Variants in NRXN1 observed in about 807,000 individuals in gnomAD.
NRXN1 encodes neurexin-1.
NRXN1 carries 39 observed loss-of-function variants against 150.9 expected under a neutral mutation model. The ratio of observed to expected loss-of-function variants is 0.26; its 90% CI spans 0.20 to 0.34. The LOEUF (loss-of-function observed/expected upper bound fraction) is 0.34. Ranked by LOEUF, NRXN1 falls within the 10% of genes least tolerant of loss-of-function variation. NRXN1 has a pLI of 1.00. For missense variants in NRXN1, 1,815 were observed against 1,949.9 expected, an observed-to-expected ratio of 0.93 and a Z score of 1.30; for synonymous variants, 924 against 757.0, an observed-to-expected ratio of 1.22 and a Z score of -3.62.
At chr2:50,318,396 T>A (rs994785348) in intron 17 of NRXN1, among the ~76,000 whole-genome samples, 4 of 152,102 alleles carry the variant, frequency 2.6e-5, no homozygotes, top group African/African-American at 9.7e-5. Context: ...TACATGTGCA[T>A]CCTGTATGCA....
At chr2:51,007,118 C>T (rs1667134287) in intron 2 of NRXN1, among the ~76,000 whole-genome samples, 2 of 151,898 alleles carry the variant, frequency 1.3e-5, no homozygotes, top group African/African-American at 4.8e-5. Flanking sequence ...ACATTAGATA[C>T]TATAATGAGC....
At chr2:50,594,601 C>T (rs964500663) in intron 8 of NRXN1, among the ~76,000 whole-genome samples, 3 of 152,092 alleles carry the variant, frequency 2.0e-5, no homozygotes, top group African/African-American at 7.2e-5. Context: ...AGAGCTGAAG[C>T]TGAAGGGAAG....
chr2:50,431,452 G>T (rs1007261398), intron 17 of NRXN1, among the ~76,000 whole-genome samples: 1 of 152,176 alleles, frequency 6.6e-6, no homozygotes, highest in African/African-American at 2.4e-5. Flanking sequence ...CATTTTTCAA[G>T]ATAAGAGAAA....
At chr2:50,974,308 T>A (rs939312152) in intron 2 of NRXN1, among the ~76,000 whole-genome samples, 2 of 152,082 alleles carry the variant, frequency 1.3e-5, no homozygotes, top group African/African-American at 4.8e-5. Flanking sequence ...TTAACTTACA[T>A]CTATAGGACA....
intron 18 of NRXN1, among the ~76,000 whole-genome samples, chr2:50,108,482 T>C (rs570080772): frequency 8.5e-5 from 13 of 152,166 alleles, no homozygotes; most frequent in African/African-American, 3.1e-4. Context: ...CTTGGTCCTT[T>C]TTTACTTCAA....
chr2:50,622,961 G>A (rs918314133), intron 6 of NRXN1, among the ~76,000 whole-genome samples: 2 of 152,050 alleles, frequency 1.3e-5, no homozygotes, highest in Admixed American at 6.6e-5. Flanking sequence ...ACCCCAATGT[G>A]CATGCTTCCA....
chr2:50,879,773 T>C (rs993646425), intron 5 of NRXN1, among the ~76,000 whole-genome samples: 14 of 151,962 alleles, frequency 9.2e-5, no homozygotes, highest in Admixed American at 5.9e-4. Flanking sequence ...AATATGCCTA[T>C]AGGTAACTGT....
chr2:50,024,906 G>A (rs1688063424), intron 21 of NRXN1, among the ~76,000 whole-genome samples: 1 of 152,094 alleles, frequency 6.6e-6, no homozygotes, highest in Non-Finnish European at 1.5e-5. Flanking sequence ...GTGAGCTACT[G>A]TGCCCAGACA....
At chr2:49,976,170 G>A (rs1678949921) in intron 21 of NRXN1, among the ~76,000 whole-genome samples, 2 of 150,142 alleles carry the variant, frequency 1.3e-5, no homozygotes, top group South Asian at 2.1e-4. Context: ...TTACAGGAGA[G>A]TGCCACCACG....
intron 19 of NRXN1, among the ~76,000 whole-genome samples, chr2:50,059,698 A>G (rs1694202920): frequency 6.6e-6 from 1 of 152,178 alleles, no homozygotes; most frequent in Non-Finnish European, 1.5e-5. Context: ...CTGTTTGTGC[A>G]GTCTCAGGAC....
At chr2:50,101,575 G>A (rs1043905841) in intron 18 of NRXN1, among the ~76,000 whole-genome samples, 5 of 151,856 alleles carry the variant, frequency 3.3e-5, no homozygotes, top group Admixed American at 3.3e-4. Flanking sequence ...TCCTCTGCAT[G>A]GCAAATGTAA....
chr2:50,158,929 C>A (rs141928597), intron 18 of NRXN1, among the ~76,000 whole-genome samples: 12 of 151,936 alleles, frequency 7.9e-5, no homozygotes, highest in African/African-American at 2.7e-4. Context: ...ACAAAAAACG[C>A]GTAAGATAGG....
chr2:50,771,267 C>G (rs893087810), intron 5 of NRXN1, among the ~76,000 whole-genome samples: 2 of 152,008 alleles, frequency 1.3e-5, no homozygotes, highest in African/African-American at 4.8e-5. Flanking sequence ...CTATATATTA[C>G]CGTCAGGATT....
intron 21 of NRXN1, among the ~76,000 whole-genome samples, chr2:50,019,858 G>C (rs1049941245): frequency 2.0e-5 from 3 of 146,362 alleles, no homozygotes; most frequent in African/African-American, 7.6e-5. Context: ...TGAGGCAGGA[G>C]AATGGCGAGA....
chr2:50,601,235 T>C lies in NRXN1; in HGVS notation c.1320+18787A>G, dbSNP rs571848905. On this transcript the variant is annotated intron_variant, in intron 8 of 22. Coordinates refer to ENST00000401669, the MANE Select transcript of NRXN1 (RefSeq NM_001330078.2). ...AAGCTTATGGAAAAACATGACTACC[T>C]ACGAGAAAAATAAAAGTAAATTAAA... 2.3e-4 allele frequency among the ~76,000 whole-genome samples: 35 copies of C among 152,302 alleles called. No homozygotes were observed. The South Asian group carries it at 6.0e-3, about 26-fold the overall frequency.
rs188415286 is a variant in NRXN1, at chr2:50,905,046, T to C, written c.832+16823A>G. Among the ~76,000 whole-genome samples, 30 of 152,260 alleles carry C rather than the reference T, an allele frequency of 2.0e-4. No individual in the cohort carries two copies. In the East Asian group the frequency reaches 3.9e-3, roughly 20 times the overall value. ...CACTGAAAGAACAAGACCCAGGCCA[T>C]GTCCTAATGAAATTGTAAATCTAGT... On this transcript the variant is annotated intron_variant, in intron 5 of 22. Coordinates refer to ENST00000401669, the MANE Select transcript of NRXN1 (RefSeq NM_001330078.2).
intron 13 of NRXN1, among the ~76,000 whole-genome samples, chr2:50,499,651 A>T (rs935757198): frequency 3.3e-5 from 5 of 152,178 alleles, no homozygotes; most frequent in East Asian, 3.9e-4. Context: ...GAAGAATATG[A>T]GAAGCTTAAA....
chr2:50,743,464 AG>A (rs1206965128), intron 5 of NRXN1, among the ~76,000 whole-genome samples: 1 of 151,910 alleles, frequency 6.6e-6, no homozygotes, highest in Non-Finnish European at 1.5e-5. Flanking sequence ...TGGGAAATGG[AG>A]AAGGGAAGTT....
At chr2:50,155,226 A>G (rs1052695104) in intron 18 of NRXN1, among the ~76,000 whole-genome samples, 8 of 151,662 alleles carry the variant, frequency 5.3e-5, no homozygotes, top group Admixed American at 4.6e-4. Flanking sequence ...CTTTCTTAAT[A>G]TATCCCAGGT....
Sources: gnomAD v4.1 joint callset for allele counts (sites outside exome capture counted in the v4.1 genomes callset) on GRCh38, gnomAD v4.1.1 for gene constraint, MANE v1.5 for transcripts, NCBI Gene and HGNC (gene_info 2026-07-23, HGNC 2026-07-21) for gene names.